PFDN1: variants seen among roughly 807,000 people sequenced by gnomAD.
The protein encoded by PFDN1 is prefoldin subunit 1.
PFDN1 carries 6 observed loss-of-function variants against 17.3 expected under a neutral mutation model. The ratio of observed to expected loss-of-function variants is 0.35; its 90% CI spans 0.19 to 0.69. The LOEUF is 0.69. Ranked by LOEUF, PFDN1 falls within the 30% of genes least tolerant of loss-of-function variation. The pLI, the probability that PFDN1 is intolerant of heterozygous loss-of-function variation, is 0.65. For synonymous variants in PFDN1, 58 were observed against 50.1 expected (o/e 1.16, Z -0.67); for missense variants, 113 against 146.2 (o/e 0.77, Z 1.17).
chr5:140,295,694 T>C (rs1396299672), intron 2 of PFDN1, among the ~76,000 whole-genome samples: 5 of 152,176 alleles, frequency 3.3e-5, no homozygotes, highest in Non-Finnish European at 5.9e-5. Flanking sequence ...TTACAGTATA[T>C]AGCAATTCAT....
intron 2 of PFDN1, among the ~76,000 whole-genome samples, chr5:140,297,482 C>T (rs1765672078): frequency 6.6e-6 from 1 of 152,222 alleles, no homozygotes; most frequent in African/African-American, 2.4e-5. Context: ...ATTCACCTTA[C>T]ATGCCCCTAC....
intron 2 of PFDN1, among the ~76,000 whole-genome samples, chr5:140,288,795 G>T (rs1163213844): frequency 6.6e-6 from 1 of 152,044 alleles, no homozygotes; most frequent in Admixed American, 6.6e-5. Context: ...CACCAGCCTG[G>T]ACAACATGAC....
chr5:140,247,451 G>T (rs1764846618), intron 3 of PFDN1, among the ~76,000 whole-genome samples: 1 of 152,104 alleles, frequency 6.6e-6, no homozygotes, highest in Admixed American at 6.5e-5. Flanking sequence ...TTTATTAAAT[G>T]ATACATATAG....
intron 3 of PFDN1, among the ~76,000 whole-genome samples, chr5:140,250,951 T>G (rs1764903881): frequency 6.6e-6 from 1 of 152,226 alleles, no homozygotes; most frequent in Non-Finnish European, 1.5e-5. Flanking sequence ...TTATTTTTTT[T>G]TGAAACAGGG....
chr5:140,253,890 T>C (rs1327127496), intron 3 of PFDN1, among the ~76,000 whole-genome samples: 1 of 152,190 alleles, frequency 6.6e-6, no homozygotes, highest in Non-Finnish European at 1.5e-5. Context: ...AAGGGCATAT[T>C]CTTATGCCTC....
chr5:140,287,297 C>G (rs908914694), intron 2 of PFDN1, among the ~76,000 whole-genome samples: 7 of 152,162 alleles, frequency 4.6e-5, no homozygotes, highest in African/African-American at 7.2e-5. Flanking sequence ...ATCGAAGAGT[C>G]GGAGATATCA....
At chr5:140,301,114 G>A (rs532443751) in intron 1 of PFDN1, among the ~76,000 whole-genome samples, 2 of 152,300 alleles carry the variant, frequency 1.3e-5, no homozygotes, top group East Asian at 3.9e-4. Context: ...AACCAAATGA[G>A]TTAAGAGATA....
Position 140,280,836 on chromosome 5 carries a change from T to C in PFDN1, c.285+613A>G, listed in dbSNP as rs1765387323. 3 of 152,126 alleles carry C rather than the reference T, an allele frequency of 2.0e-5. No homozygotes were observed. The South Asian group carries it at 6.2e-4, about 31-fold the overall frequency. 9.4% of individuals were successfully genotyped at this position (152,126 alleles called of 1,614,324 possible). A position where few individuals can be genotyped will look rare whatever the true frequency, so the allele number is the denominator to read the frequency against. On this transcript the variant is annotated intron_variant, in intron 3 of 3. Transcript: ENST00000261813. Reference sequence around the variant, plus strand: ...GAATATCTCACTAAAGGTCTTAATGTATAAATAAATTATAATAATAAAAAT... The same window carrying C: ...GAATATCTCACTAAAGGTCTTAATGCATAAATAAATTATAATAATAAAAAT...
rs186985121 is a variant in PFDN1, at chr5:140,260,743, T to G, written c.286-14686A>C. 1.1e-4 allele frequency among the ~76,000 whole-genome samples: 16 copies of G among 152,054 alleles called. No individual in the cohort carries two copies. The East Asian group carries it at 2.9e-3, about 28-fold the overall frequency. On this transcript the variant is annotated intron_variant, in intron 3 of 3. Transcript: ENST00000261813. ...GTTTCTTTTGGGGGCAATAAAAATG[T>G]TCTAGAATTAGACAGTGGTGATGAT...
intron 2 of PFDN1, 53 bp downstream of exon 2, chr5:140,300,363 A>C (rs1765724472): frequency 1.5e-6 from 2 of 1,328,420 alleles, no homozygotes; most frequent in Admixed American, 1.9e-5. Context: ...ATTCTATTTA[A>C]CTCGGACAAA....
rs142044007 is a variant in PFDN1 at position 140,249,419 on chromosome 5, A to G, written c.286-3362T>C. Among the ~76,000 whole-genome samples the G allele has an allele frequency of 4.3e-3, 652 of 152,318 alleles. 3 individuals are homozygous for G. Among genetic ancestry groups the G allele is most frequent in the African/African-American group, 0.014 (599 of 41,572 alleles). ...CCAATTCTACCACAATTATTTGGGG[A>G]TAAGTATGATCCTAGCTTATAAAGT... On this transcript the variant is annotated intron_variant, in intron 3 of 3. Transcript: ENST00000261813.
intron 2 of PFDN1, among the ~76,000 whole-genome samples, chr5:140,299,528 C>G (rs1042545334): frequency 2.0e-5 from 3 of 149,830 alleles, no homozygotes; most frequent in African/African-American, 7.4e-5. Flanking sequence ...ACCCAAGAGG[C>G]GGAGGTTGCA....
At chr5:140,248,586 C>T (rs1318876404) in intron 3 of PFDN1, among the ~76,000 whole-genome samples, 1 of 152,204 alleles carries the variant, frequency 6.6e-6, no homozygotes, top group Non-Finnish European at 1.5e-5. Context: ...TCCGCCAGGG[C>T]CCAGGGACTC....
At chr5:140,286,787 T>C (rs1765501187) in intron 2 of PFDN1, among the ~76,000 whole-genome samples, 1 of 151,900 alleles carries the variant, frequency 6.6e-6, no homozygotes, top group South Asian at 2.1e-4. Context: ...TGTATTTTAG[T>C]AGTGATAGGA....
chr5:140,295,507 G>A lies in PFDN1; in HGVS notation c.200+4909C>T, dbSNP rs138969830. On this transcript the variant is annotated intron_variant, in intron 2 of 3. Coordinates refer to ENST00000261813, the MANE Select transcript of PFDN1 (RefSeq NM_002622.5). ...TGTAACTTTCATCATAGTTCTCAAA[G>A]CAGTATGGTGAGGTCAGCTCACAAA... 2.3e-3 allele frequency among the ~76,000 whole-genome samples: 344 copies of A among 152,240 alleles called. 2 individuals carry two copies. Among genetic ancestry groups the A allele is most frequent in the African/African-American group, 8.0e-3 (333 of 41,542 alleles).
chr5:140,269,396 G>A (rs1004263538), intron 3 of PFDN1, among the ~76,000 whole-genome samples: 4 of 149,400 alleles, frequency 2.7e-5, no homozygotes, highest in South Asian at 2.1e-4. Flanking sequence ...TCTGCTCACC[G>A]CAACCTCCAT....
chr5:140,261,158 T>A, intron 3 of PFDN1, among the ~76,000 whole-genome samples: 1 of 113,018 alleles, frequency 8.8e-6, no homozygotes, highest in African/African-American at 3.6e-5. Context: ...TAAGACTCCA[T>A]CTCAAAAAAA....
chr5:140,254,987 T>C lies in PFDN1; in HGVS notation c.286-8930A>G, dbSNP rs1380789623. On this transcript the variant is annotated intron_variant, in intron 3 of 3. Coordinates refer to ENST00000261813, the MANE Select transcript of PFDN1 (RefSeq NM_002622.5). The surrounding 1 kb of genome is among the most constrained non-coding windows in gnomAD (Gnocchi z 4.4). ...CTACCCACTCCATGCCTCACCTGAG[T>C]GGCTGAATGTTGCTGGAGGAAAATG... is the stretch of plus-strand genomic sequence containing the variant. Among the ~76,000 whole-genome samples, 1 of 152,152 alleles carries C rather than the reference T, an allele frequency of 6.6e-6. No individual in the cohort carries two copies. The highest frequency in any genetic ancestry group is 2.4e-5 in the African/African-American group (1 of 41,434).
At chr5:140,263,938 G>A (rs748196414) in intron 3 of PFDN1, among the ~76,000 whole-genome samples, 8 of 145,762 alleles carry the variant, frequency 5.5e-5, no homozygotes, top group Non-Finnish European at 9.0e-5. Flanking sequence ...GGAGAATGGC[G>A]TGAACCCGGG....
Sources: allele counts gnomAD v4.1 joint callset (sites outside exome capture counted in the v4.1 genomes callset), GRCh38; gene constraint gnomAD v4.1.1; non-coding constraint Gnocchi (gnomAD v3.1); transcripts MANE v1.5; gene names NCBI Gene and HGNC (gene_info 2026-07-23, HGNC 2026-07-21).